The following EYS variants were observed in gnomAD, a reference collection of about 807,000 sequenced individuals.
EYS encodes the protein EGF-like photoreceptor maintenance factor, also known as protein eyes shut homolog.
A neutral mutation model predicts 282.1 loss-of-function variants in EYS; 250 were observed. The observed-to-expected ratio is 0.89, with a 90% CI of 0.80 to 0.98. The LOEUF is 0.98. Ranked by LOEUF, EYS falls within the 50% of genes least tolerant of loss-of-function variation. EYS has a pLI of 0.00. For missense variants in EYS, 4,016 were observed against 3,709.0 expected, an observed-to-expected ratio of 1.08 and a Z score of -2.15; for synonymous variants, 1,355 against 1,282.9, an observed-to-expected ratio of 1.06 and a Z score of -1.20.
chr6:65,544,147 G>A (rs1768295779), intron 2 of EYS, among the ~76,000 whole-genome samples: 1 of 151,996 alleles, frequency 6.6e-6, no homozygotes, highest in Non-Finnish European at 1.5e-5. Flanking sequence ...ATGACCACAT[G>A]GGTGGCCTTT....
chr6:64,007,841 G>T (rs1156422655), intron 33 of EYS, among the ~76,000 whole-genome samples: 1 of 152,082 alleles, frequency 6.6e-6, no homozygotes, highest in Non-Finnish European at 1.5e-5. Flanking sequence ...ATTGCACTGT[G>T]GTCTAATAGT....
In EYS at chr6:63,883,990, G is replaced by A. The variant is rs114817304; in HGVS notation, c.7056-19632C>T. Among the ~76,000 whole-genome samples, 1,163 of 152,184 alleles carry A rather than the reference G, an allele frequency of 7.6e-3. 18 individuals are homozygous for A. Among genetic ancestry groups the A allele is most frequent in the African/African-American group, 0.026 (1,083 of 41,494 alleles). On this transcript the variant is annotated intron_variant, in intron 35 of 42. Transcript: ENST00000503581. ...ATAACTGATCACTTTTGAGATGTGC[G>A]TATTTTCTTATTAACTTATTTTATT... is the stretch of plus-strand genomic sequence containing the variant.
At chr6:65,537,731 A>T (rs1459993220) in intron 2 of EYS, among the ~76,000 whole-genome samples, 5 of 152,204 alleles carry the variant, frequency 3.3e-5, no homozygotes, top group Non-Finnish European at 5.9e-5. Context: ...AAAGACTTGC[A>T]GATATGCAAA....
intron 33 of EYS, among the ~76,000 whole-genome samples, chr6:64,041,106 C>G (rs1005542796): frequency 1.3e-5 from 2 of 151,984 alleles, no homozygotes; most frequent in Admixed American, 6.6e-5. Flanking sequence ...AGATTTCTGT[C>G]CCCTTGGGGT....
At chr6:64,703,496 G>A (rs577645520) in intron 22 of EYS, among the ~76,000 whole-genome samples, 11 of 137,932 alleles carry the variant, frequency 8.0e-5, no homozygotes, top group South Asian at 2.4e-4. Flanking sequence ...GCAGTGGCGC[G>A]ATCTCAGCTC....
chr6:63,901,859 T>C (rs574676064), intron 35 of EYS, among the ~76,000 whole-genome samples: 1 of 152,284 alleles, frequency 6.6e-6, no homozygotes, highest in East Asian at 1.9e-4. Flanking sequence ...AAGTTTCAGA[T>C]TTTGAAGCAT....
At chr6:64,838,220 C>A (rs1366040631) in intron 19 of EYS, among the ~76,000 whole-genome samples, 1 of 151,994 alleles carries the variant, frequency 6.6e-6, no homozygotes, top group Non-Finnish European at 1.5e-5. Flanking sequence ...GACTGTGAAT[C>A]TGTTCCCCTT....
intron 12 of EYS, among the ~76,000 whole-genome samples, chr6:65,157,518 G>T (rs1393949637): frequency 6.6e-6 from 1 of 150,574 alleles, no homozygotes; most frequent in Non-Finnish European, 1.5e-5. Flanking sequence ...AACATAAAAA[G>T]ATATTTGTTG....
intron 12 of EYS, among the ~76,000 whole-genome samples, chr6:65,059,917 G>A (rs149080315): frequency 1.3e-5 from 2 of 152,100 alleles, no homozygotes; most frequent in East Asian, 3.9e-4. Flanking sequence ...TGGTGAAGTT[G>A]GAGAAACATG....
chr6:64,407,881 AC>A (rs1773771484), intron 28 of EYS, among the ~76,000 whole-genome samples: 1 of 152,064 alleles, frequency 6.6e-6, no homozygotes, highest in Non-Finnish European at 1.5e-5. Context: ...ACAGGTGTCC[AC>A]AACCACGCCC....
chr6:63,738,799 T>G (rs1188671210), intron 41 of EYS, among the ~76,000 whole-genome samples: 3 of 152,142 alleles, frequency 2.0e-5, no homozygotes, highest in Non-Finnish European at 4.4e-5. Context: ...TTTTCCCTTG[T>G]AATTCATTTC....
At chr6:65,188,762 T>C (rs1173923203) in intron 12 of EYS, among the ~76,000 whole-genome samples, 1 of 62,644 alleles carries the variant, frequency 1.6e-5, no homozygotes, top group African/African-American at 7.8e-5. Context: ...CTTTATTGCA[T>C]GCAAAAAAAA....
intron 2 of EYS, among the ~76,000 whole-genome samples, chr6:65,507,678 C>T (rs1250328441): frequency 6.6e-6 from 1 of 152,030 alleles, no homozygotes; most frequent in Non-Finnish European, 1.5e-5. Context: ...GATATATTTT[C>T]AAGCCCACTG....
At chr6:65,394,474 G>A (rs913123959) in intron 7 of EYS, among the ~76,000 whole-genome samples, 11 of 152,068 alleles carry the variant, frequency 7.2e-5, no homozygotes, top group Non-Finnish European at 2.9e-5. Flanking sequence ...CTGTAGCGCC[G>A]TGGACACTGC....
chr6:65,154,427 A>G (rs1278282387), intron 12 of EYS, among the ~76,000 whole-genome samples: 4 of 151,690 alleles, frequency 2.6e-5, no homozygotes, highest in Non-Finnish European at 5.9e-5. Flanking sequence ...ATACAATGAA[A>G]TGCTTGGTGT....
chr6:63,762,878 T>C (rs1185250970), intron 40 of EYS, among the ~76,000 whole-genome samples: 1 of 152,070 alleles, frequency 6.6e-6, no homozygotes, highest in Non-Finnish European at 1.5e-5. Context: ...TTGAGAATTG[T>C]TTCTTCAGAC....
rs9450195 is a variant in EYS at position 63,842,765 on chromosome 6, T to C, written c.7228+21421A>G. On this transcript the variant is annotated intron_variant, in intron 36 of 42. Transcript: ENST00000503581. ...TTCTTATGCTTAAATATTTAATTCA[T>C]CTTGGGTTACTGTTTGTATAAGGTG... Among the ~76,000 whole-genome samples, 256 of 152,322 alleles carry C rather than the reference T, an allele frequency of 1.7e-3. 1 individual carries two copies. Among genetic ancestry groups the C allele is most frequent in the African/African-American group, 6.0e-3 (248 of 41,570 alleles).
At chr6:64,343,448 T>C (rs1157172956) in intron 29 of EYS, among the ~76,000 whole-genome samples, 3 of 152,100 alleles carry the variant, frequency 2.0e-5, no homozygotes, top group Admixed American at 2.0e-4. Flanking sequence ...AACCTGCTCC[T>C]GAATGACTAC....
chr6:64,493,166 C>T (rs1319922402), intron 26 of EYS, among the ~76,000 whole-genome samples: 4 of 151,264 alleles, frequency 2.6e-5, no homozygotes, highest in Admixed American at 6.6e-5. Context: ...ATTTCTGATT[C>T]AGAAGCCTTT....
Sources: gnomAD v4.1 joint callset for allele counts (sites outside exome capture counted in the v4.1 genomes callset) on GRCh38, gnomAD v4.1.1 for gene constraint, MANE v1.5 for transcripts, NCBI Gene and HGNC (gene_info 2026-07-23, HGNC 2026-07-21) for gene names.